SLC9A4: variants seen among roughly 807,000 people sequenced by gnomAD.
SLC9A4 encodes the protein sodium/hydrogen exchanger 4.
In SLC9A4, 63 loss-of-function variants were observed where a neutral mutation model predicts 67.4. The ratio of observed to expected loss-of-function variants is 0.93; its 90% CI spans 0.76 to 1.15. The LOEUF (loss-of-function observed/expected upper bound fraction) is 1.15. SLC9A4 is among the 50% of genes most tolerant of loss of function. The pLI, the probability that SLC9A4 is intolerant of heterozygous loss-of-function variation, is 0.00. For missense variants in SLC9A4, 1,089 were observed against 987.7 expected, an observed-to-expected ratio of 1.10 and a Z score of -1.38; for synonymous variants, 393 against 367.2, an observed-to-expected ratio of 1.07 and a Z score of -0.80.
At chr2:102,531,219 C>T (rs933938300) in intron 11 of SLC9A4, among the ~76,000 whole-genome samples, 20 of 151,816 alleles carry the variant, frequency 1.3e-4, no homozygotes, top group East Asian at 3.9e-4. Flanking sequence ...CCCACCACCA[C>T]GCCCAGCTAA....
intron 2 of SLC9A4, among the ~76,000 whole-genome samples, chr2:102,491,799 A>C (rs1370213316): frequency 6.6e-6 from 1 of 152,216 alleles, no homozygotes; most frequent in Admixed American, 6.5e-5. Context: ...GCATTAACTC[A>C]GAAGTCCACA....
chr2:102,508,134 C>G lies in SLC9A4; in HGVS notation c.1254C>G (p.Ile418Met). The change falls in exon 5 of 12, where the codon ATC becomes ATG. Residue 418 changes from isoleucine (I) to methionine (M), a missense_variant. Coordinates refer to ENST00000295269, the MANE Select transcript of SLC9A4 (RefSeq NM_001011552.4). ...SNQFRTFPFSIKDQCIIFYSG... is the reference protein window; with the variant it reads ...SNQFRTFPFSMKDQCIIFYSG... ...AGTTTCGGACTTTCCCCTTCTCCATCAAGGACCAGTGCATCATTTTCTACA... is the reference window on the plus strand; with the variant it reads ...AGTTTCGGACTTTCCCCTTCTCCATGAAGGACCAGTGCATCATTTTCTACA... 1 of 1,614,190 alleles carries G rather than the reference C, an allele frequency of 6.2e-7. No individual in the cohort carries two copies.
At chr2:102,524,965 CT>C in intron 9 of SLC9A4, 58 bp from the exon 10 acceptor site, 1 of 1,602,144 alleles carries the variant, frequency 6.2e-7, no homozygotes, top group South Asian at 1.1e-5. Flanking sequence ...CCATGGCTTC[CT>C]TGGCTGAAAG....
chr2:102,511,853 G>A (rs1028751560), intron 6 of SLC9A4, among the ~76,000 whole-genome samples: 18 of 151,490 alleles, frequency 1.2e-4, no homozygotes, highest in African/African-American at 4.4e-4. Flanking sequence ...TCTTAAATAT[G>A]ATATATTTTA....
At chr2:102,477,859 T>G (rs1684366062) in intron 1 of SLC9A4, among the ~76,000 whole-genome samples, 1 of 152,206 alleles carries the variant, frequency 6.6e-6, no homozygotes, top group African/African-American at 2.4e-5. Context: ...TCTCCTGAGC[T>G]CTGAACTCTC....
At chr2:102,510,411 C>T (rs1378166397) in intron 6 of SLC9A4, among the ~76,000 whole-genome samples, 1 of 152,110 alleles carries the variant, frequency 6.6e-6, no homozygotes, top group Non-Finnish European at 1.5e-5. Context: ...AGGCTGGAAC[C>T]CTCAGGCATG....
intron 2 of SLC9A4, among the ~76,000 whole-genome samples, chr2:102,495,343 A>C (rs1684785389): frequency 1.3e-5 from 2 of 152,130 alleles, no homozygotes; most frequent in Non-Finnish European, 2.9e-5. Context: ...CTTTCATTGA[A>C]TATTATAGAA....
intron 2 of SLC9A4, among the ~76,000 whole-genome samples, chr2:102,487,912 T>G (rs1206633892): frequency 6.6e-6 from 1 of 152,210 alleles, no homozygotes; most frequent in Non-Finnish European, 1.5e-5. Context: ...GCTGAGTGCC[T>G]GGGATGCAGA....
intron 7 of SLC9A4, 51 bp downstream of exon 7, chr2:102,512,324 G>A: frequency 1.3e-6 from 2 of 1,579,610 alleles, no homozygotes; most frequent in Non-Finnish European, 1.7e-6. Context: ...AGGTTCCATT[G>A]GAAGCTGGGC....
At position 102,519,960 on chromosome 2, in the gene SLC9A4, G is replaced by A; in HGVS notation, c.1818+5G>A. ...ATGTACCAAGTTCGGCAAAGGGTGT[G>A]TATGAGCCACCTGTGTTGTCCCCAT... On this transcript the variant is annotated splice_donor_5th_base_variant and intron_variant, in intron 9 of 11. Coordinates refer to ENST00000295269, the MANE Select transcript of SLC9A4 (RefSeq NM_001011552.4). 1 of 1,612,776 alleles carries A rather than the reference G, an allele frequency of 6.2e-7. No individual in the cohort carries two copies. The highest frequency in any genetic ancestry group is 1.3e-5 in the African/African-American group (1 of 75,000).
At chr2:102,519,552 A>C (rs985425127) in intron 8 of SLC9A4, among the ~76,000 whole-genome samples, 2 of 152,206 alleles carry the variant, frequency 1.3e-5, no homozygotes, top group African/African-American at 4.8e-5. Flanking sequence ...GTGTTGTACA[A>C]ACATTTCAGT....
intron 7 of SLC9A4, among the ~76,000 whole-genome samples, chr2:102,512,936 G>A (rs952512490): frequency 6.6e-6 from 1 of 151,852 alleles, no homozygotes; most frequent in Non-Finnish European, 1.5e-5. Context: ...AGTGGTCAGA[G>A]AGGCTGGCAG....
chr2:102,497,561 T>G (rs1020651167), intron 2 of SLC9A4, among the ~76,000 whole-genome samples: 5 of 152,200 alleles, frequency 3.3e-5, no homozygotes, highest in African/African-American at 9.7e-5. Flanking sequence ...AACATCATGC[T>G]GAGTTAAATA....
At chr2:102,524,804 G>C in intron 9 of SLC9A4, among the ~76,000 whole-genome samples, 1 of 152,174 alleles carries the variant, frequency 6.6e-6, no homozygotes, top group East Asian at 1.9e-4. Flanking sequence ...GAAGGCAGAG[G>C]CTCTAGCCAC....
In SLC9A4 at chr2:102,479,169, A is replaced by G. The variant is rs1417918149; in HGVS notation, c.587A>G (p.Asn196Ser). 1 of 1,614,132 alleles carries G rather than the reference A, an allele frequency of 6.2e-7. No homozygotes were observed. The highest frequency in any genetic ancestry group is 1.7e-5 in the Admixed American group (1 of 60,016). ...CTGGGCGACGTCAACCTGCTGCAGA[A>G]CCTGCTGTTCGGCAGCCTGATCTCC... Reference protein sequence around the residue: ...FGLGDVNLLQNLLFGSLISAV... With the variant: ...FGLGDVNLLQSLLFGSLISAV... Residue 196 changes from asparagine (N) to serine (S), a missense_variant, in exon 2 of 12, where the codon AAC becomes AGC. Asn to Ser is a conservative substitution (Grantham distance 46, BLOSUM62 1). Coordinates refer to ENST00000295269, the MANE Select transcript of SLC9A4 (RefSeq NM_001011552.4).
At chr2:102,491,703 C>T (rs558603893) in intron 2 of SLC9A4, among the ~76,000 whole-genome samples, 21 of 152,158 alleles carry the variant, frequency 1.4e-4, no homozygotes, top group South Asian at 8.3e-4. Flanking sequence ...ATTGTTTTAC[C>T]GCTGTCCCCT....
Position 102,532,441 on chromosome 2 carries a change from AC to A in SLC9A4, c.2151del (p.His717GlnfsTer24), listed in dbSNP as rs1424030149. 6.2e-7 allele frequency: 1 copy of A among 1,614,236 alleles called. No individual in the cohort carries two copies. Among genetic ancestry groups the A allele is most frequent in the Non-Finnish European group, 8.5e-7 (1 of 1,180,034 alleles). On this transcript the variant is annotated frameshift_variant, in exon 12 of 12. Transcript: ENST00000295269. LOFTEE classifies it low-confidence loss of function (END_TRUNC). ...GAAATAATACCAATGAAGAGCCTAC[AC>A]AGAGGAAGGAAGGCATTCAGCTTTG... ...AQEIIPMKSLHRGRKAFSFGY... is the reference protein window; with the variant it reads ...AQEIIPMKSLXRGRKAFSFGY...
In SLC9A4 at chr2:102,508,408, C is replaced by T. The variant is rs545675888; in HGVS notation, c.1401+127C>T. Reference sequence around the variant, plus strand: ...GTGCTCAATACCCAAACTAAATTTCCGGAGATTTCTAGATCATGTTTGTGA... The same window carrying T: ...GTGCTCAATACCCAAACTAAATTTCTGGAGATTTCTAGATCATGTTTGTGA... On this transcript the variant is annotated intron_variant, in intron 5 of 11. Transcript: ENST00000295269. The T allele has an allele frequency of 1.1e-4, 94 of 881,268 alleles. No individual in the cohort carries two copies. The South Asian group carries it at 1.3e-3, about 13-fold the overall frequency. 54.6% of individuals were successfully genotyped at this position (881,268 alleles called of 1,614,324 possible). A position where few individuals can be genotyped will look rare whatever the true frequency, so the allele number is the denominator to read the frequency against.
chr2:102,479,445 G>A (rs1684412704), intron 2 of SLC9A4, 143 bp downstream of exon 2: 1 of 870,174 alleles, frequency 1.1e-6, no homozygotes, highest in Non-Finnish European at 1.7e-6. Flanking sequence ...TGTGGTCCGA[G>A]TTCTGGTGAA....
Sources: allele counts gnomAD v4.1 joint callset (sites outside exome capture counted in the v4.1 genomes callset), GRCh38; gene constraint gnomAD v4.1.1; transcripts MANE v1.5; gene names NCBI Gene and HGNC (gene_info 2026-07-23, HGNC 2026-07-21).